CHCHD3: variants seen among roughly 807,000 people sequenced by gnomAD.
The protein encoded by CHCHD3 is MICOS complex subunit MIC19.
Under a neutral mutation model 38.2 loss-of-function variants are expected in CHCHD3, and 20 were observed. The ratio of observed to expected loss-of-function variants is 0.52; its 90% CI spans 0.37 to 0.76. The LOEUF is 0.76. Ranked by LOEUF, CHCHD3 falls within the 30% of genes least tolerant of loss-of-function variation. CHCHD3 has a pLI of 0.00. For missense variants in CHCHD3, 245 were observed against 279.2 expected (o/e 0.88, Z 0.87); for synonymous variants, 82 against 100.0 (o/e 0.82, Z 1.07).
intron 2 of CHCHD3, among the ~76,000 whole-genome samples, chr7:133,051,531 A>G (rs1042747116): frequency 1.3e-5 from 2 of 152,196 alleles, no homozygotes; most frequent in Non-Finnish European, 2.9e-5. Context: ...TGCAACATAA[A>G]TAAATTCTTC....
chr7:133,039,438 C>T (rs1429998106), intron 2 of CHCHD3, among the ~76,000 whole-genome samples: 1 of 152,146 alleles, frequency 6.6e-6, no homozygotes, highest in Non-Finnish European at 1.5e-5. Flanking sequence ...TTTTAAAATA[C>T]CAAGTCTTTT....
intron 4 of CHCHD3, among the ~76,000 whole-genome samples, chr7:132,898,353 C>T (rs575764712): frequency 3.2e-4 from 49 of 152,312 alleles, no homozygotes; most frequent in African/African-American, 1.1e-3. Flanking sequence ...CGTTTACAAT[C>T]CCTGAGCTAG....
intron 2 of CHCHD3, among the ~76,000 whole-genome samples, chr7:133,033,463 A>G (rs954587414): frequency 6.6e-6 from 1 of 152,140 alleles, no homozygotes; most frequent in Non-Finnish European, 1.5e-5. Flanking sequence ...GTACTCCTCA[A>G]GTGGGGTACT....
At chr7:132,914,274 C>A in intron 4 of CHCHD3, among the ~76,000 whole-genome samples, 1 of 152,022 alleles carries the variant, frequency 6.6e-6, no homozygotes, top group East Asian at 1.9e-4. Flanking sequence ...AGGCATGAGC[C>A]GACACACCCG....
In CHCHD3 at chr7:132,968,734, C is replaced by A. The variant is rs1012886082; in HGVS notation, c.369+6435G>T. ...GTTCACCTGGCTAATTTCAGTGATA[C>A]TAAAAACCCCAAGTGATCACTCTTA... On this transcript the variant is annotated intron_variant, in intron 4 of 7. Transcript: ENST00000262570. Among the ~76,000 whole-genome samples the A allele has an allele frequency of 2.0e-5, 3 of 152,298 alleles. No homozygotes were observed. In the South Asian group the frequency reaches 6.2e-4, roughly 32 times the overall value.
intron 2 of CHCHD3, among the ~76,000 whole-genome samples, chr7:133,057,203 A>G (rs757442763): frequency 6.6e-6 from 1 of 152,206 alleles, no homozygotes; most frequent in Admixed American, 6.5e-5. Context: ...TGTTCAACTA[A>G]AAGAATTTTA....
intron 4 of CHCHD3, among the ~76,000 whole-genome samples, chr7:132,909,191 C>A (rs1465267180): frequency 2.6e-5 from 4 of 152,122 alleles, no homozygotes; most frequent in Non-Finnish European, 5.9e-5. Context: ...GTCAATTAAA[C>A]CTCTTTCCTT....
At chr7:133,080,658 T>G (rs913357568) in intron 1 of CHCHD3, among the ~76,000 whole-genome samples, 2 of 152,190 alleles carry the variant, frequency 1.3e-5, no homozygotes, top group African/African-American at 4.8e-5. Context: ...CCTCAGATAT[T>G]TTATTACAAA....
chr7:133,067,628 T>C (rs904168864), intron 2 of CHCHD3, among the ~76,000 whole-genome samples: 13 of 152,200 alleles, frequency 8.5e-5, no homozygotes, highest in Admixed American at 7.9e-4. Context: ...AGTGCAGTTG[T>C]TGGGCATTTT....
intron 5 of CHCHD3, among the ~76,000 whole-genome samples, chr7:132,857,716 C>G (rs1047143836): frequency 6.6e-6 from 1 of 152,116 alleles, no homozygotes. Flanking sequence ...CCTAGGCAGC[C>G]TATTTTAGAG....
At position 133,082,005 on chromosome 7, in the gene CHCHD3, C is replaced by T; in HGVS notation, c.-68G>A. ...GAGCACTTCGGGGCCCCCGCACCCA[C>T]ACGCGCGTGGAAGGGCCTGGATTCT... On this transcript the variant is annotated 5_prime_UTR_variant, in exon 1 of 8. It adds an upstream start codon to the 5' untranslated region. Coordinates refer to ENST00000262570, the MANE Select transcript of CHCHD3 (RefSeq NM_017812.4). The T allele has an allele frequency of 7.3e-7, 1 of 1,378,712 alleles. No individual in the cohort carries two copies. The highest frequency in any genetic ancestry group is 9.8e-7 in the Non-Finnish European group (1 of 1,024,198). The allele number at this position is 1,378,712 out of a possible 1,614,324, so 85.4% of individuals were successfully genotyped here.
At chr7:132,900,243 T>G (rs1054815015) in intron 4 of CHCHD3, among the ~76,000 whole-genome samples, 1 of 152,262 alleles carries the variant, frequency 6.6e-6, no homozygotes, top group Non-Finnish European at 1.5e-5. Flanking sequence ...TAATCAGGCA[T>G]GTTCATCCTG....
In CHCHD3 at chr7:133,035,294, C is replaced by T; in HGVS notation, c.170-10667G>A. The T allele has an allele frequency of 6.2e-7, 1 of 1,612,292 alleles. No homozygotes were observed. The highest frequency in any genetic ancestry group is 8.5e-7 in the Non-Finnish European group (1 of 1,178,404). On this transcript the variant is annotated intron_variant, in intron 2 of 7. Transcript: ENST00000262570. This position sits in a 1 kb window ranked among gnomAD's most constrained non-coding sequence, Gnocchi z 4.7. Reference sequence around the variant, plus strand: ...CATCAAACTGGGCCATCTTCTCACACAGTTTCAGTTCCCCCAAGACAGCCC... The same window carrying T: ...CATCAAACTGGGCCATCTTCTCACATAGTTTCAGTTCCCCCAAGACAGCCC...
chr7:132,786,816 T>C (rs962977745), intron 7 of CHCHD3, among the ~76,000 whole-genome samples: 3 of 152,258 alleles, frequency 2.0e-5, no homozygotes, highest in Non-Finnish European at 4.4e-5. Flanking sequence ...ATTTGCTAAA[T>C]ACATGCTAAA....
At chr7:132,930,163 A>ATTTTTT (rs769791949) in intron 4 of CHCHD3, among the ~76,000 whole-genome samples, 7 of 127,500 alleles carry the variant, frequency 5.5e-5, no homozygotes, top group Non-Finnish European at 6.6e-5. Context: ...CCCACTCCTA[A>ATTTTTT]TTTTTTTTTT....
intron 6 of CHCHD3, among the ~76,000 whole-genome samples, chr7:132,817,687 T>C (rs1807234638): frequency 6.6e-6 from 1 of 152,118 alleles, no homozygotes; most frequent in Non-Finnish European, 1.5e-5. Context: ...AATTTCTTAA[T>C]GGTTCTCTCT....
chr7:132,797,228 A>G (rs1238108633), intron 6 of CHCHD3, among the ~76,000 whole-genome samples: 2 of 152,126 alleles, frequency 1.3e-5, no homozygotes, highest in African/African-American at 4.8e-5. Context: ...GACAAACCCA[A>G]TTCAGGGTTT....
chr7:132,892,053 C>T (rs61080459), intron 4 of CHCHD3, among the ~76,000 whole-genome samples: 1 of 152,110 alleles, frequency 6.6e-6, no homozygotes, highest in Non-Finnish European at 1.5e-5. Context: ...TGAAATAATA[C>T]AGTTAACTGG....
intron 4 of CHCHD3, among the ~76,000 whole-genome samples, chr7:132,959,307 T>C (rs1811254247): frequency 6.6e-6 from 1 of 152,236 alleles, no homozygotes; most frequent in African/African-American, 2.4e-5. Flanking sequence ...CTGTGAGCAC[T>C]GTAAGAGCAT....
Sources: allele counts gnomAD v4.1 joint callset (sites outside exome capture counted in the v4.1 genomes callset), GRCh38; gene constraint gnomAD v4.1.1; non-coding constraint Gnocchi (gnomAD v3.1); transcripts MANE v1.5; gene names NCBI Gene and HGNC (gene_info 2026-07-23, HGNC 2026-07-21).